The following PGGT1B variants were observed in gnomAD, a reference collection of about 807,000 sequenced individuals.
PGGT1B encodes geranylgeranyl transferase type-1 subunit beta.
PGGT1B carries 30 observed loss-of-function variants against 46.1 expected under a neutral mutation model. That is an observed-to-expected ratio of 0.65 (90% CI 0.49 to 0.88). The LOEUF is 0.88. Ranked by LOEUF, PGGT1B falls within the 40% of genes least tolerant of loss-of-function variation. PGGT1B has a pLI of 0.00. For synonymous variants in PGGT1B, 170 were observed against 160.0 expected, an observed-to-expected ratio of 1.06 and a Z score of -0.47; for missense variants, 376 against 455.9, an observed-to-expected ratio of 0.82 and a Z score of 1.60.
In PGGT1B at chr5:115,211,278, G is replaced by A. The variant is rs1157381946; in HGVS notation, c.*1124C>T. 1 of 151,878 alleles carries A rather than the reference G, an allele frequency of 6.6e-6. No homozygotes were observed. The highest frequency in any genetic ancestry group is 1.5e-5 in the Non-Finnish European group (1 of 67,882). The allele number at this position is 151,878 out of a possible 1,614,324, so 9.4% of individuals were successfully genotyped here. A position where few individuals can be genotyped will look rare whatever the true frequency, so the allele number is the denominator to read the frequency against. ...ATACTACCTCCTTTATAATTAGCTA[G>A]TTCATAGACTTAAAACAAAACAATG... On this transcript the variant is annotated 3_prime_UTR_variant, in exon 9 of 9. Transcript: ENST00000419445.
chr5:115,260,288 C>T (rs1323748142), intron 1 of PGGT1B, among the ~76,000 whole-genome samples: 1 of 152,104 alleles, frequency 6.6e-6, no homozygotes, highest in Non-Finnish European at 1.5e-5. Flanking sequence ...TATTAGCCTT[C>T]TCAAAGCTTT....
At chr5:115,223,341 G>T (rs73255447) in intron 6 of PGGT1B, among the ~76,000 whole-genome samples, 1 of 152,044 alleles carries the variant, frequency 6.6e-6, no homozygotes, top group South Asian at 2.1e-4. Flanking sequence ...TAAGTTAAAC[G>T]ATCTTGAAAT....
intron 5 of PGGT1B, among the ~76,000 whole-genome samples, chr5:115,235,004 C>T (rs1279391770): frequency 6.6e-6 from 1 of 151,948 alleles, no homozygotes; most frequent in Non-Finnish European, 1.5e-5. Flanking sequence ...AAACCCTATC[C>T]TCCAACAAGA....
rs1359651221 is a variant in PGGT1B at position 115,262,861 on chromosome 5, G to C, written c.-10C>G. ...CCTCAGTGGCCGCCATGCTGCTCCG[G>C]AAGCGACGTCCGCCGCGACCCGGAA... On this transcript the variant is annotated 5_prime_UTR_variant, in exon 1 of 9. Transcript: ENST00000419445. The C allele has an allele frequency of 6.2e-7, 1 of 1,611,394 alleles. No individual in the cohort carries two copies. Among genetic ancestry groups the C allele is most frequent in the African/African-American group, 1.3e-5 (1 of 74,788 alleles).
At chr5:115,228,026 TC>T (rs1460481122) in intron 6 of PGGT1B, among the ~76,000 whole-genome samples, 2 of 152,066 alleles carry the variant, frequency 1.3e-5, no homozygotes, top group African/African-American at 2.4e-5. Flanking sequence ...ATTGCTGGCT[TC>T]CCCCAGGCCA....
At chr5:115,225,562 T>C (rs1401042893) in intron 6 of PGGT1B, among the ~76,000 whole-genome samples, 1 of 152,134 alleles carries the variant, frequency 6.6e-6, no homozygotes, top group Non-Finnish European at 1.5e-5. Context: ...TCAAAAATCA[T>C]ATAGCTAAAG....
At chr5:115,260,387 G>A (rs898445357) in intron 1 of PGGT1B, among the ~76,000 whole-genome samples, 4 of 152,088 alleles carry the variant, frequency 2.6e-5, no homozygotes, top group African/African-American at 9.7e-5. Flanking sequence ...ACATGGGGAG[G>A]CACTCTATGA....
At chr5:115,252,261 T>C (rs1473205002) in intron 2 of PGGT1B, among the ~76,000 whole-genome samples, 2 of 152,048 alleles carry the variant, frequency 1.3e-5, no homozygotes, top group Non-Finnish European at 2.9e-5. Context: ...TAAATAGGCA[T>C]AGATTTAAAA....
chr5:115,211,454 T>C lies in PGGT1B; in HGVS notation c.*948A>G, dbSNP rs759304292. The C allele has an allele frequency of 6.6e-6, 1 of 151,798 alleles. No individual in the cohort carries two copies. Among genetic ancestry groups the C allele is most frequent in the African/African-American group, 2.4e-5 (1 of 41,378 alleles). The allele number at this position is 151,798 out of a possible 1,614,324, so 9.4% of individuals were successfully genotyped here. ...TTTTTGTATTTTTTACTTATTTAAT[T>C]TGAAAAAAATTAGAAAAGTATTAGT... On this transcript the variant is annotated 3_prime_UTR_variant, in exon 9 of 9. Transcript: ENST00000419445.
intron 2 of PGGT1B, among the ~76,000 whole-genome samples, chr5:115,246,823 T>C (rs1747868788): frequency 6.6e-6 from 1 of 152,198 alleles, no homozygotes; most frequent in Admixed American, 6.5e-5. Context: ...TGTAGAACTA[T>C]AGAGTCAAAC....
intron 3 of PGGT1B, among the ~76,000 whole-genome samples, chr5:115,240,633 T>A (rs1273975313): frequency 6.6e-6 from 1 of 152,212 alleles, no homozygotes; most frequent in Non-Finnish European, 1.5e-5. Context: ...GGAAGAAAGC[T>A]GAAGTAGTAC....
At chr5:115,228,112 A>G (rs1756851320) in intron 6 of PGGT1B, among the ~76,000 whole-genome samples, 1 of 152,238 alleles carries the variant, frequency 6.6e-6, no homozygotes, top group South Asian at 2.1e-4. Flanking sequence ...GGAGAATGAC[A>G]GTTTTAAAAA....
At chr5:115,224,282 C>T (rs1756689156) in intron 6 of PGGT1B, among the ~76,000 whole-genome samples, 1 of 152,098 alleles carries the variant, frequency 6.6e-6, no homozygotes, top group African/African-American at 2.4e-5. Flanking sequence ...CAGTAAGTAA[C>T]CTTTCAAACT....
At chr5:115,216,405 G>T (rs926174618) in intron 8 of PGGT1B, among the ~76,000 whole-genome samples, 4 of 152,198 alleles carry the variant, frequency 2.6e-5, no homozygotes, top group Admixed American at 6.5e-5. Flanking sequence ...CTCCCAAAGT[G>T]TTGGGGTTAC....
chr5:115,250,752 C>T (rs114967509), intron 2 of PGGT1B, among the ~76,000 whole-genome samples: 1,650 of 152,300 alleles, frequency 0.011, 20 homozygotes, highest in Non-Finnish European at 0.016. Flanking sequence ...ATAACCAGCA[C>T]TCAGCTCAAG....
At chr5:115,254,995 C>A (rs1461698423) in intron 1 of PGGT1B, among the ~76,000 whole-genome samples, 1 of 152,132 alleles carries the variant, frequency 6.6e-6, no homozygotes, top group African/African-American at 2.4e-5. Context: ...AGTCAAATTT[C>A]AAGTTGGCCA....
chr5:115,238,084 G>T, intron 3 of PGGT1B, 75 bp from the exon 4 acceptor site: 1 of 1,074,330 alleles, frequency 9.3e-7, no homozygotes, highest in Non-Finnish European at 1.3e-6. Context: ...TCTGACATAA[G>T]GTTTTAGTAA....
intron 6 of PGGT1B, among the ~76,000 whole-genome samples, chr5:115,228,588 T>G (rs1303930874): frequency 1.3e-5 from 2 of 151,866 alleles, no homozygotes; most frequent in Non-Finnish European, 2.9e-5. Flanking sequence ...GAAAACCAGG[T>G]GTATGCTGGG....
At chr5:115,241,139 T>A (rs965111052) in intron 3 of PGGT1B, among the ~76,000 whole-genome samples, 5 of 152,196 alleles carry the variant, frequency 3.3e-5, no homozygotes, top group African/African-American at 1.2e-4. Context: ...GAGCTAAATG[T>A]AGAGTCTTTC....
Sources: allele counts gnomAD v4.1 joint callset (sites outside exome capture counted in the v4.1 genomes callset), GRCh38; gene constraint gnomAD v4.1.1; transcripts MANE v1.5; gene names NCBI Gene and HGNC (gene_info 2026-07-23, HGNC 2026-07-21).